The following DESI2 variants were observed in gnomAD, a reference collection of about 807,000 sequenced individuals.
DESI2 encodes the protein deubiquitinase DESI2.
DESI2 carries 10 observed loss-of-function variants against 24.1 expected under a neutral mutation model. That is an observed-to-expected ratio of 0.41 (90% CI 0.26 to 0.70). DESI2 has a LOEUF of 0.70. DESI2 is among the 30% of genes least tolerant of loss of function. DESI2 has a pLI of 0.29. For synonymous variants in DESI2, 71 were observed against 87.7 expected, an observed-to-expected ratio of 0.81 and a Z score of 1.06; for missense variants, 122 against 234.9, an observed-to-expected ratio of 0.52 and a Z score of 3.14.
Position 244,705,830 on chromosome 1 carries a change from C to CTAGT in DESI2, c.*41_*42insTAGT. 2 of 1,399,950 alleles carry CTAGT rather than the reference C, an allele frequency of 1.4e-6. No individual in the cohort carries two copies. The highest frequency in any genetic ancestry group is 2.0e-6 in the Non-Finnish European group (2 of 1,007,872). 86.7% of individuals were successfully genotyped at this position (1,399,950 alleles called of 1,614,324 possible). A position where few individuals can be genotyped will look rare whatever the true frequency, so the allele number is the denominator to read the frequency against. ...CACATTCAGAACTGTCTCTGGCAGTCGAATATCACTAGAGAAAAGTAAACA... is the reference window on the plus strand; with the variant it reads ...CACATTCAGAACTGTCTCTGGCAGTCTAGTGAATATCACTAGAGAAAAGTAAACA... On this transcript the variant is annotated 3_prime_UTR_variant, in exon 5 of 5. Coordinates refer to ENST00000302550, the MANE Select transcript of DESI2 (RefSeq NM_016076.5).
chr1:244,703,414 G>C (rs1266771526), intron 4 of DESI2, among the ~76,000 whole-genome samples: 1 of 152,116 alleles, frequency 6.6e-6, no homozygotes, highest in African/African-American at 2.4e-5. Context: ...GTAGTGCAGT[G>C]GCACAGTCTT....
rs559791625 is a variant in DESI2, at chr1:244,696,347, C to CAAGAT, written c.351+4328_351+4329insAGATA. ...CCATAGAAAAGGCAAGATAGCTGGG[C>CAAGAT]ACAGTGGCTCACGCCTGTAATCCCA... On this transcript the variant is annotated intron_variant, in intron 4 of 4. Transcript: ENST00000302550. Among the ~76,000 whole-genome samples, 17 of 152,294 alleles carry CAAGAT rather than the reference C, an allele frequency of 1.1e-4. No individual in the cohort carries two copies. The South Asian group carries it at 3.5e-3, about 32-fold the overall frequency.
At chr1:244,675,965 A>G (rs771672339) in intron 1 of DESI2, among the ~76,000 whole-genome samples, 1 of 152,164 alleles carries the variant, frequency 6.6e-6, no homozygotes, top group Non-Finnish European at 1.5e-5. Context: ...TGTAGTTTTC[A>G]GATACAGTTT....
rs779532275 is a variant in DESI2, at chr1:244,653,290, G to A, written c.-24G>A. On this transcript the variant is annotated 5_prime_UTR_variant, in exon 1 of 5. Coordinates refer to ENST00000302550, the MANE Select transcript of DESI2 (RefSeq NM_016076.5). ...CGCGGAGACGGAGCGGCTTGAGGACGAGGCGGCGGCCGCGGGGAGGAGGAT... is the reference window on the plus strand; with the variant it reads ...CGCGGAGACGGAGCGGCTTGAGGACAAGGCGGCGGCCGCGGGGAGGAGGAT... 32 of 1,488,182 alleles carry A rather than the reference G, an allele frequency of 2.2e-5. No individual in the cohort carries two copies. The highest frequency in any genetic ancestry group is 1.5e-4 in the South Asian group (11 of 73,562). The allele number at this position is 1,488,182 out of a possible 1,614,324, so 92.2% of individuals were successfully genotyped here. A position where few individuals can be genotyped will look rare whatever the true frequency, so the allele number is the denominator to read the frequency against.
chr1:244,674,140 G>A (rs1490450564), intron 1 of DESI2, among the ~76,000 whole-genome samples: 2 of 151,646 alleles, frequency 1.3e-5, no homozygotes, highest in Non-Finnish European at 2.9e-5. Flanking sequence ...AACTACAGGC[G>A]TCCGCCACCA....
chr1:244,702,563 CTTTT>C (rs534678290), intron 4 of DESI2, among the ~76,000 whole-genome samples: 196 of 152,196 alleles, frequency 1.3e-3, no homozygotes, highest in African/African-American at 4.5e-3. Flanking sequence ...GATTGGTACA[CTTTT>C]ATTTGAAAGA....
chr1:244,657,130 A>G (rs1172554619), intron 1 of DESI2, among the ~76,000 whole-genome samples: 1 of 152,228 alleles, frequency 6.6e-6, no homozygotes, highest in African/African-American at 2.4e-5. Flanking sequence ...TAAAGAATAG[A>G]AAAGAACCAC....
chr1:244,670,798 A>C (rs1676218105), intron 1 of DESI2, among the ~76,000 whole-genome samples: 1 of 152,260 alleles, frequency 6.6e-6, no homozygotes, highest in African/African-American at 2.4e-5. Flanking sequence ...TGAACAAACC[A>C]AGGCAAAGCA....
rs1677685525 is a variant in DESI2, at chr1:244,705,997, T to G, written c.*208T>G. The stretch of plus-strand genomic sequence containing the variant: ...AACTTTGTAAGAAGCTGCCCTCTGT[T>G]TTTTTTATCCACTCGTAAATCTGGA... On this transcript the variant is annotated 3_prime_UTR_variant, in exon 5 of 5. Coordinates refer to ENST00000302550, the MANE Select transcript of DESI2 (RefSeq NM_016076.5). 3.6e-6 allele frequency: 2 copies of G among 555,132 alleles called. No homozygotes were observed. Among genetic ancestry groups the G allele is most frequent in the African/African-American group, 1.9e-5 (1 of 53,026 alleles). 34.4% of individuals were successfully genotyped at this position (555,132 alleles called of 1,614,324 possible). A position where few individuals can be genotyped will look rare whatever the true frequency, so the allele number is the denominator to read the frequency against.
At chr1:244,697,331 A>C (rs1677256264) in intron 4 of DESI2, among the ~76,000 whole-genome samples, 1 of 152,044 alleles carries the variant, frequency 6.6e-6, no homozygotes, top group Non-Finnish European at 1.5e-5. Context: ...AACTTGGTGA[A>C]ACCCCGTCTC....
chr1:244,686,821 G>T, intron 2 of DESI2, 152 bp downstream of exon 2: 1 of 521,642 alleles, frequency 1.9e-6, no homozygotes, highest in Non-Finnish European at 3.4e-6. Flanking sequence ...TTTATACTGC[G>T]TTTTGGAAAA....
chr1:244,689,757 G>C lies in DESI2; in HGVS notation c.209+415G>C, dbSNP rs1006079349. Among the ~76,000 whole-genome samples, 2 of 152,110 alleles carry C rather than the reference G, an allele frequency of 1.3e-5. No homozygotes were observed. The highest frequency in any genetic ancestry group is 4.8e-5 in the African/African-American group (2 of 41,412). ...ACTCCTGACCTCAGGTGATCCACCT[G>C]CCTCGGCCTCCCAAAGTGCTGGGAT... is the stretch of plus-strand genomic sequence containing the variant. On this transcript the variant is annotated intron_variant, in intron 3 of 4. Transcript: ENST00000302550. The surrounding 1 kb of genome is among the most constrained non-coding windows in gnomAD (Gnocchi z 4.0).
chr1:244,677,595 CAG>C (rs897327592), intron 1 of DESI2, among the ~76,000 whole-genome samples: 2 of 152,044 alleles, frequency 1.3e-5, no homozygotes, highest in African/African-American at 2.4e-5. Flanking sequence ...AATATTGAAA[CAG>C]AGCCTTCAAA....
chr1:244,704,386 A>G (rs1677607964), intron 4 of DESI2, among the ~76,000 whole-genome samples: 1 of 152,220 alleles, frequency 6.6e-6, no homozygotes, highest in Non-Finnish European at 1.5e-5. Context: ...AAAAAGGATA[A>G]TAAAGAATAA....
chr1:244,708,040 G>A lies in DESI2; in HGVS notation c.*2251G>A, dbSNP rs1223963510. The stretch of plus-strand genomic sequence containing the variant: ...CCTTTAGAAAATCTCATTCAAGTCA[G>A]GTTCTTCTCTACAGTTCAAAATTGA... On this transcript the variant is annotated 3_prime_UTR_variant, in exon 5 of 5. Transcript: ENST00000302550. 6.6e-6 allele frequency: 1 copy of A among 152,152 alleles called. No homozygotes were observed. The highest frequency in any genetic ancestry group is 2.4e-5 in the African/African-American group (1 of 41,426). The allele number at this position is 152,152 out of a possible 1,614,324, so 9.4% of individuals were successfully genotyped here.
chr1:244,699,336 C>T (rs543337244), intron 4 of DESI2, among the ~76,000 whole-genome samples: 87 of 152,040 alleles, frequency 5.7e-4, no homozygotes, highest in African/African-American at 1.9e-3. Flanking sequence ...GTAATCCCAA[C>T]GCTTTAGGAG....
intron 4 of DESI2, among the ~76,000 whole-genome samples, chr1:244,701,986 G>A (rs528289366): frequency 7.6e-4 from 116 of 152,286 alleles, no homozygotes; most frequent in Non-Finnish European, 1.3e-3. Flanking sequence ...TTCTAGAAGA[G>A]GGATTGCTGG....
Position 244,705,678 on chromosome 1 carries a change from TG to T in DESI2, c.475del (p.Val159SerfsTer64). ...TCACGCCCGCAGCCCTGCAGTCTAG[TG>T]TCAGCCAAGAACTCCAGGATGAACT... is the stretch of plus-strand genomic sequence containing the variant. Reference protein sequence around the residue: ...WLTPAALQSSVSQELQDELEE... With the variant: ...WLTPAALQSSXSQELQDELEE... On this transcript the variant is annotated frameshift_variant, in exon 5 of 5. Coordinates refer to ENST00000302550, the MANE Select transcript of DESI2 (RefSeq NM_016076.5). LOFTEE classifies it high-confidence loss of function. The T allele has an allele frequency of 6.2e-7, 1 of 1,614,164 alleles. No homozygotes were observed. Among genetic ancestry groups the T allele is most frequent in the Non-Finnish European group, 8.5e-7 (1 of 1,180,032 alleles).
rs2148774289 is a variant in DESI2 at position 244,653,283 on chromosome 1, T to C, written c.-31T>C. On this transcript the variant is annotated 5_prime_UTR_variant, in exon 1 of 5. Coordinates refer to ENST00000302550, the MANE Select transcript of DESI2 (RefSeq NM_016076.5). ...CCGGCCCCGCGGAGACGGAGCGGCT[T>C]GAGGACGAGGCGGCGGCCGCGGGGA... is the stretch of plus-strand genomic sequence containing the variant. 6.7e-7 allele frequency: 1 copy of C among 1,484,954 alleles called. No individual in the cohort carries two copies. The highest frequency in any genetic ancestry group is 2.7e-5 in the East Asian group (1 of 36,452). The allele number at this position is 1,484,954 out of a possible 1,614,324, so 92.0% of individuals were successfully genotyped here.
Sources: gnomAD v4.1 joint callset for allele counts (sites outside exome capture counted in the v4.1 genomes callset) on GRCh38, gnomAD v4.1.1 for gene constraint, Gnocchi (gnomAD v3.1) non-coding constraint, MANE v1.5 for transcripts, NCBI Gene and HGNC (gene_info 2026-07-23, HGNC 2026-07-21) for gene names.